The following HMGCLL1 variants were observed in gnomAD, a reference collection of about 807,000 sequenced individuals.
The protein encoded by HMGCLL1 is 3-hydroxy-3-methylglutaryl-CoA lyase like 1.
A neutral mutation model predicts 39.1 loss-of-function variants in HMGCLL1; 36 were observed. The observed-to-expected ratio is 0.92, with a 90% CI of 0.71 to 1.22. HMGCLL1 has a LOEUF of 1.22. HMGCLL1 is among the 50% of genes most tolerant of loss of function. The probability of loss-of-function intolerance (pLI) is 0.00; values close to 1 mark genes in which losing one functional copy is unlikely to be tolerated. For synonymous variants in HMGCLL1, 149 were observed against 144.0 expected (o/e 1.03, Z -0.25); for missense variants, 451 against 416.5 (o/e 1.08, Z -0.72).
chr6:55,494,265 A>G (rs1430792663), intron 7 of HMGCLL1, among the ~76,000 whole-genome samples: 1 of 152,166 alleles, frequency 6.6e-6, no homozygotes, highest in Non-Finnish European at 1.5e-5. Flanking sequence ...CTACACAAAT[A>G]AATGATTACT....
the HMGCLL1 span, among the ~76,000 whole-genome samples, chr6:55,591,307 C>T: frequency 6.6e-6 from 1 of 151,894 alleles, no homozygotes; most frequent in Non-Finnish European, 1.5e-5. Flanking sequence ...TCCAGGAGAA[C>T]ATCATAAAGT....
chr6:55,583,758 A>G (rs920290957), upstream of HMGCLL1, among the ~76,000 whole-genome samples: 4 of 152,124 alleles, frequency 2.6e-5, no homozygotes, highest in South Asian at 8.3e-4. Context: ...TTCCTAAAGG[A>G]TGATTTTACT....
chr6:55,558,324 C>G (rs968014691), intron 1 of HMGCLL1, among the ~76,000 whole-genome samples: 2 of 152,148 alleles, frequency 1.3e-5, no homozygotes, highest in African/African-American at 2.4e-5. Flanking sequence ...AATGCACTAT[C>G]ACTTTTTAAA....
the HMGCLL1 span, among the ~76,000 whole-genome samples, chr6:55,654,280 GAACACTCACA>G: frequency 6.6e-6 from 1 of 151,292 alleles, no homozygotes; most frequent in Non-Finnish European, 1.5e-5. Flanking sequence ...TGAAATTTTT[GAACACTCACA>G]AATTTAACTG....
At chr6:55,625,146 T>A in the HMGCLL1 span, among the ~76,000 whole-genome samples, 4 of 152,142 alleles carry the variant, frequency 2.6e-5, no homozygotes, top group Admixed American at 2.6e-4. Context: ...TGCAGATAAC[T>A]ACTCTCCTTT....
chr6:55,487,665 A>G (rs891572504), intron 7 of HMGCLL1, among the ~76,000 whole-genome samples: 30 of 152,046 alleles, frequency 2.0e-4, no homozygotes, highest in Admixed American at 2.6e-4. Flanking sequence ...CATGGTGTGT[A>G]TGTGCCACAT....
rs186538362 is a variant in HMGCLL1, at chr6:55,565,690, G to C, written c.108+13258C>G. ...AGATGAGTATTTATGCAAGCTTTAT[G>C]TTCCATCTTTTTTAGCTCAAGTTTT... On this transcript the variant is annotated intron_variant, in intron 1 of 8. Coordinates refer to ENST00000274901, the MANE Select transcript of HMGCLL1 (RefSeq NM_001042406.2). Among the ~76,000 whole-genome samples the C allele has an allele frequency of 6.3e-3, 957 of 152,118 alleles. 4 individuals are homozygous for C. Among genetic ancestry groups the C allele is most frequent in the Middle Eastern group, 0.027 (8 of 294 alleles).
chr6:55,634,617 T>C, the HMGCLL1 span, among the ~76,000 whole-genome samples: 1 of 152,168 alleles, frequency 6.6e-6, no homozygotes, highest in South Asian at 2.1e-4. Flanking sequence ...ACATCAAATA[T>C]CTTTCCCACA....
At chr6:55,581,281 G>GT (rs1200962657), upstream of HMGCLL1, among the ~76,000 whole-genome samples, 1 of 151,574 alleles carries the variant, frequency 6.6e-6, no homozygotes, top group Non-Finnish European at 1.5e-5. Flanking sequence ...AGTGATACGT[G>GT]TTTTTTTACA....
At chr6:55,619,390 T>G in the HMGCLL1 span, among the ~76,000 whole-genome samples, 1 of 152,150 alleles carries the variant, frequency 6.6e-6, no homozygotes, top group South Asian at 2.1e-4. Context: ...TTAATAAGAC[T>G]ACTGATTCTA....
intron 7 of HMGCLL1, among the ~76,000 whole-genome samples, chr6:55,441,316 T>G (rs1021155632): frequency 1.4e-4 from 21 of 152,068 alleles, no homozygotes; most frequent in Admixed American, 1.3e-3. Flanking sequence ...CATTTGGATA[T>G]TGACTATAGG....
Position 55,572,615 on chromosome 6 carries a change from C to A in HMGCLL1, c.108+6333G>T, listed in dbSNP as rs368446578. Among the ~76,000 whole-genome samples, 7 of 151,992 alleles carry A rather than the reference C, an allele frequency of 4.6e-5. No individual in the cohort carries two copies. In the East Asian group the frequency reaches 9.7e-4, roughly 21 times the overall value. The stretch of plus-strand genomic sequence containing the variant: ...ATCTTTTTATTCTTTCTTTGTAATT[C>A]AAATTGGTAATCTGAATAGTATGTA... On this transcript the variant is annotated intron_variant, in intron 1 of 8. Coordinates refer to ENST00000274901, the MANE Select transcript of HMGCLL1 (RefSeq NM_001042406.2).
chr6:55,462,351 C>A (rs1014744432), intron 7 of HMGCLL1, among the ~76,000 whole-genome samples: 1 of 152,036 alleles, frequency 6.6e-6, no homozygotes, highest in Non-Finnish European at 1.5e-5. Context: ...ACCATGTATG[C>A]TCATGTCTTC....
intron 3 of HMGCLL1, among the ~76,000 whole-genome samples, chr6:55,516,904 T>C (rs1277088974): frequency 6.6e-6 from 1 of 152,060 alleles, no homozygotes; most frequent in Admixed American, 6.6e-5. Flanking sequence ...TTTCATTTCA[T>C]GGTCCAAGGC....
At chr6:55,552,639 GTTTA>G (rs1770404173) in intron 1 of HMGCLL1, among the ~76,000 whole-genome samples, 2 of 151,828 alleles carry the variant, frequency 1.3e-5, no homozygotes, top group African/African-American at 4.9e-5. Context: ...ATTATTTTTT[GTTTA>G]TTTATTCATC....
chr6:55,638,407 C>CA, the HMGCLL1 span, among the ~76,000 whole-genome samples: 16 of 132,778 alleles, frequency 1.2e-4, 1 homozygote, highest in African/African-American at 3.3e-4. Context: ...AACTCAGTCT[C>CA]AAAAAAAAAA....
At chr6:55,500,954 A>T (rs1260426137) in intron 5 of HMGCLL1, among the ~76,000 whole-genome samples, 2 of 151,982 alleles carry the variant, frequency 1.3e-5, no homozygotes, top group African/African-American at 4.8e-5. Flanking sequence ...AAACAAACAT[A>T]AATGCAAAAC....
chr6:55,594,018 A>G, the HMGCLL1 span, among the ~76,000 whole-genome samples: 1 of 152,190 alleles, frequency 6.6e-6, no homozygotes, highest in Non-Finnish European at 1.5e-5. Flanking sequence ...ATCACCAAAT[A>G]TATTATTCAT....
the HMGCLL1 span, among the ~76,000 whole-genome samples, chr6:55,669,835 A>G: frequency 6.6e-6 from 1 of 151,892 alleles, no homozygotes; most frequent in African/African-American, 2.4e-5. Context: ...TTTTTAAAAA[A>G]TGAACAGAGC....
Sources: gnomAD v4.1 joint callset for allele counts (sites outside exome capture counted in the v4.1 genomes callset) on GRCh38, gnomAD v4.1.1 for gene constraint, MANE v1.5 for transcripts, NCBI Gene and HGNC (gene_info 2026-07-23, HGNC 2026-07-21) for gene names.